Variants in RPL3L observed in about 807,000 individuals in gnomAD.
RPL3L encodes ribosomal protein uL3-like.
RPL3L carries 44 observed loss-of-function variants against 44.5 expected under a neutral mutation model. The ratio of observed to expected loss-of-function variants is 0.99; its 90% CI spans 0.78 to 1.27. The LOEUF (loss-of-function observed/expected upper bound fraction) is 1.27, where lower values mean the gene tolerates loss of function less well. RPL3L is among the 50% of genes most tolerant of loss of function. The pLI, the probability that RPL3L is intolerant of heterozygous loss-of-function variation, is 0.00. For missense variants in RPL3L, 631 were observed against 569.1 expected, an observed-to-expected ratio of 1.11 and a Z score of -1.11; for synonymous variants, 292 against 230.7, an observed-to-expected ratio of 1.27 and a Z score of -2.41.
chr16:1,944,728 G>C lies in RPL3L; in HGVS notation c.*109C>G. Reference sequence around the variant, plus strand: ...GGCAGCAGGCAAGGTGAACCCCTTGGGCGGTTACACAGCGCTCTGAGACCT... The same window carrying C: ...GGCAGCAGGCAAGGTGAACCCCTTGCGCGGTTACACAGCGCTCTGAGACCT... On this transcript the variant is annotated 3_prime_UTR_variant, in exon 10 of 10. Transcript: ENST00000268661. 1.4e-6 allele frequency: 2 copies of C among 1,391,332 alleles called. No individual in the cohort carries two copies. The highest frequency in any genetic ancestry group is 2.0e-6 in the Non-Finnish European group (2 of 980,746). The allele number at this position is 1,391,332 out of a possible 1,614,324, so 86.2% of individuals were successfully genotyped here. A position where few individuals can be genotyped will look rare whatever the true frequency, so the allele number is the denominator to read the frequency against.
chr16:1,950,365 G>A (rs1213455445), intron 4 of RPL3L, among the ~76,000 whole-genome samples: 1 of 151,958 alleles, frequency 6.6e-6, no homozygotes, highest in Non-Finnish European at 1.5e-5. Flanking sequence ...GGCAGTGTGG[G>A]GGCTGTGGGA....
chr16:1,953,075 G>A, intron 2 of RPL3L, 33 bp from the exon 3 acceptor site: 1 of 1,563,980 alleles, frequency 6.4e-7, no homozygotes, highest in Non-Finnish European at 8.7e-7. Flanking sequence ...GCATGAAGGG[G>A]GACCTCCTGA....
At chr16:1,944,982 G>C in intron 9 of RPL3L, 89 bp from the exon 10 acceptor site, 2 of 1,522,560 alleles carry the variant, frequency 1.3e-6, no homozygotes, top group Non-Finnish European at 1.8e-6. Flanking sequence ...ACTCAGGGCC[G>C]GCCCTACTGC....
chr16:1,954,654 G>T lies in RPL3L; in HGVS notation c.-23C>A. ...CATGGTGGCCGATCCCTGAAGGTCAGGAAGGGGCCTCGCCGCTAGCCGCCA... is the reference window on the plus strand; with the variant it reads ...CATGGTGGCCGATCCCTGAAGGTCATGAAGGGGCCTCGCCGCTAGCCGCCA... On this transcript the variant is annotated 5_prime_UTR_variant, in exon 1 of 10. In the 5' UTR this introduces an upstream ATG that the reference lacks. Coordinates refer to ENST00000268661, the MANE Select transcript of RPL3L (RefSeq NM_005061.3). 6.5e-7 allele frequency: 1 copy of T among 1,545,946 alleles called. No homozygotes were observed. Among genetic ancestry groups the T allele is most frequent in the African/African-American group, 1.4e-5 (1 of 71,620 alleles).
Position 1,944,717 on chromosome 16 carries a change from T to C in RPL3L, c.*120A>G. On this transcript the variant is annotated 3_prime_UTR_variant, in exon 10 of 10. Transcript: ENST00000268661. ...GGCTTTGTCTAGGCAGCAGGCAAGG[T>C]GAACCCCTTGGGCGGTTACACAGCG... The C allele has an allele frequency of 8.0e-7, 1 of 1,251,950 alleles. No homozygotes were observed. The highest frequency in any genetic ancestry group is 1.5e-5 in the African/African-American group (1 of 67,516). The allele number at this position is 1,251,950 out of a possible 1,614,324, so 77.6% of individuals were successfully genotyped here.
At chr16:1,949,989 C>G (rs1470489882) in intron 4 of RPL3L, among the ~76,000 whole-genome samples, 7 of 71,250 alleles carry the variant, frequency 9.8e-5, no homozygotes, top group Non-Finnish European at 1.1e-4. Flanking sequence ...CAGGTATGGA[C>G]AGGGCAGGTA....
At position 1,953,990 on chromosome 16, in the gene RPL3L, G is replaced by A. The variant is rs745662014; in HGVS notation, c.162C>T (p.Thr54=). The A allele has an allele frequency of 8.8e-6, 14 of 1,593,768 alleles. No homozygotes were observed. Among genetic ancestry groups the A allele is most frequent in the Admixed American group, 5.1e-5 (3 of 58,500 alleles). ...TAFLGYKAGM[T]HTLREVHRPG... is the part of the protein sequence containing the mutation. The stretch of plus-strand genomic sequence containing the variant: ...GCCGGTGCACCTCCCGCAGGGTGTG[G>A]GTCATGCCCGCCTTGTAGCCCAGGA... Residue 54 remains threonine (T), a synonymous_variant, in exon 2 of 10, where the codon ACC becomes ACT. Transcript: ENST00000268661.
At position 1,947,014 on chromosome 16, in the gene RPL3L, T is replaced by A. The variant is rs919560103; in HGVS notation, c.773A>T (p.His258Leu). 14 of 1,611,992 alleles carry A rather than the reference T, an allele frequency of 8.7e-6. No individual in the cohort carries two copies. Among genetic ancestry groups the A allele is most frequent in the Admixed American group, 1.7e-5 (1 of 59,924 alleles). ...AATGGAGCAGCCCACGCGGGCGGGG[T>A]GCCAGGCGCCAATGCAGGCCACCTT... ...LRKVACIGAW[H>L]PARVGCSIAR... Residue 258 changes from histidine (H) to leucine (L), a missense_variant, in exon 6 of 10, where the codon CAC (histidine) becomes CTC (leucine). His to Leu is a moderately conservative substitution (Grantham distance 99). Coordinates refer to ENST00000268661, the MANE Select transcript of RPL3L (RefSeq NM_005061.3).
intron 4 of RPL3L, among the ~76,000 whole-genome samples, chr16:1,950,153 A>G (rs1264299825): frequency 1.4e-5 from 1 of 73,156 alleles, no homozygotes; most frequent in Non-Finnish European, 2.4e-5. Context: ...GCAGGTATGT[A>G]TGGGGTGGGT....
At position 1,947,193 on chromosome 16, in the gene RPL3L, C is replaced by T. The variant is rs147080475; in HGVS notation, c.688+1G>A. 4 of 1,612,868 alleles carry T rather than the reference C, an allele frequency of 2.5e-6. No individual in the cohort carries two copies. Among genetic ancestry groups the T allele is most frequent in the African/African-American group, 2.7e-5 (2 of 74,908 alleles). On this transcript the variant is annotated splice_donor_variant, in intron 5 of 9. Transcript: ENST00000268661. LOFTEE classifies it high-confidence loss of function. ...GAGCTGCCATCCTCACTGAGCCCTA[C>T]CTTTGACGCCTCGACCCTTGGTGAC...
Position 1,952,893 on chromosome 16 carries a change from G to A in RPL3L, c.346C>T (p.Arg116Cys), listed in dbSNP as rs369669042. 3.8e-5 allele frequency: 62 copies of A among 1,613,794 alleles called. No homozygotes were observed. The highest frequency in any genetic ancestry group is 5.0e-5 in the Non-Finnish European group (59 of 1,180,000). ...FAEHLSDECRRRFYKDWHKSK... is the reference protein window; with the variant it reads ...FAEHLSDECRCRFYKDWHKSK... ...GCTCACCAGTCCTTGTAGAATCGGC[G>A]CCGGCACTCATCACTGAGGTGTTCT... Residue 116 changes from arginine to cysteine, a missense_variant, in exon 3 of 10, where the codon CGC (arginine) becomes TGC (cysteine). Arg to Cys is a radical substitution (Grantham distance 180, BLOSUM62 -3). Transcript: ENST00000268661.
intron 7 of RPL3L, among the ~76,000 whole-genome samples, chr16:1,946,264 T>C (rs1003051119): frequency 1.3e-5 from 2 of 152,230 alleles, no homozygotes; most frequent in Non-Finnish European, 2.9e-5. Flanking sequence ...CAGGCCACAG[T>C]AGGAGCTGCC....
intron 2 of RPL3L, among the ~76,000 whole-genome samples, 168 bp downstream of exon 2, chr16:1,953,788 C>A (rs1185451998): frequency 2.0e-5 from 3 of 152,192 alleles, no homozygotes; most frequent in Non-Finnish European, 4.4e-5. Flanking sequence ...CATGACAGAA[C>A]CCGCCCGGAA....
Position 1,945,948 on chromosome 16 carries a change from C to A in RPL3L, c.952-18G>T, listed in dbSNP as rs2083118154. On this transcript the variant is annotated intron_variant, in intron 7 of 9. Transcript: ENST00000268661. ...AAGCCACCCTGCAGAGGACACAGGT[C>A]AGAGGCCAGGCCCGGAAAGGGCTTC... 3 of 1,594,994 alleles carry A rather than the reference C, an allele frequency of 1.9e-6. No individual in the cohort carries two copies. The Admixed American group carries it at 5.1e-5, about 27-fold the overall frequency.
intron 3 of RPL3L, among the ~76,000 whole-genome samples, 180 bp from the exon 4 acceptor site, chr16:1,951,159 C>T (rs535417815): frequency 7.2e-5 from 11 of 152,282 alleles, no homozygotes; most frequent in South Asian, 2.1e-4. Flanking sequence ...GTCTCTCCCC[C>T]TCTAGGCCCC....
intron 3 of RPL3L, among the ~76,000 whole-genome samples, chr16:1,951,435 G>A (rs1020587623): frequency 1.3e-5 from 2 of 152,018 alleles, no homozygotes; most frequent in Non-Finnish European, 2.9e-5. Flanking sequence ...AGGCTGGAGT[G>A]CAGTGGCACA....
At position 1,950,965 on chromosome 16, in the gene RPL3L, T is replaced by C. The variant is rs967129764; in HGVS notation, c.380A>G (p.Lys127Arg). 1.2e-6 allele frequency: 2 copies of C among 1,613,764 alleles called. No individual in the cohort carries two copies. The highest frequency in any genetic ancestry group is 2.7e-5 in the African/African-American group (2 of 74,890). ...RFYKDWHKSK[K>R]KAFTKACKRW... Reference sequence around the variant, plus strand: ...CTTGCAGGCCTTGGTGAAGGCTTTCTTCTTGCTCTTGTGCCTGAGCCATGC... The same window carrying C: ...CTTGCAGGCCTTGGTGAAGGCTTTCCTCTTGCTCTTGTGCCTGAGCCATGC... Residue 127 changes from lysine (K) to arginine (R), a missense_variant, in exon 4 of 10, where the codon AAG (lysine) becomes AGG (arginine). Physicochemically the swap from Lys to Arg is conservative, Grantham distance 26. Transcript: ENST00000268661.
intron 2 of RPL3L, 129 bp from the exon 3 acceptor site, chr16:1,953,171 G>A (rs2083183733): frequency 2.1e-6 from 2 of 943,302 alleles, no homozygotes; most frequent in Non-Finnish European, 3.1e-6. Context: ...TTCCCCAGAG[G>A]GTGGGGCTGA....
In RPL3L at chr16:1,944,655, C is replaced by T. The variant is rs1567307867; in HGVS notation, c.*182G>A. On this transcript the variant is annotated 3_prime_UTR_variant, in exon 10 of 10. Transcript: ENST00000268661. Reference sequence around the variant, plus strand: ...CGCACAGCCAGCTCTGTGTGAATTACTCTTTCTCTATTGCAATTCCCCTGT... The same window carrying T: ...CGCACAGCCAGCTCTGTGTGAATTATTCTTTCTCTATTGCAATTCCCCTGT... The T allele has an allele frequency of 4.6e-6, 3 of 654,616 alleles. No homozygotes were observed. The highest frequency in any genetic ancestry group is 5.4e-5 in the East Asian group (2 of 37,142). 40.6% of individuals were successfully genotyped at this position (654,616 alleles called of 1,614,324 possible).
Sources: gnomAD v4.1 joint callset for allele counts (sites outside exome capture counted in the v4.1 genomes callset) on GRCh38, gnomAD v4.1.1 for gene constraint, MANE v1.5 for transcripts, NCBI Gene and HGNC (gene_info 2026-07-23, HGNC 2026-07-21) for gene names.